The following APIP variants were observed in gnomAD, a reference collection of about 807,000 sequenced individuals.
APIP encodes the protein APAF1 interacting protein.
APIP carries 32 observed loss-of-function variants against 32.0 expected under a neutral mutation model. That is an observed-to-expected ratio of 1.00 (90% CI 0.76 to 1.34). APIP has a LOEUF of 1.34. APIP is among the 40% of genes most tolerant of loss of function. APIP has a pLI of 0.00. For missense variants in APIP, 247 were observed against 298.6 expected, an observed-to-expected ratio of 0.83 and a Z score of 1.27; for synonymous variants, 92 against 94.8, an observed-to-expected ratio of 0.97 and a Z score of 0.17.
At chr11:34,906,099 T>C (rs1853447887) in intron 1 of APIP, among the ~76,000 whole-genome samples, 1 of 152,144 alleles carries the variant, frequency 6.6e-6, no homozygotes, top group South Asian at 2.1e-4. Context: ...TTCTAAGATA[T>C]CAGAAAAATC....
In APIP at chr11:34,899,450, G is replaced by A. The variant is rs181646265; in HGVS notation, c.58-4340C>T. Among the ~76,000 whole-genome samples, 18 of 152,270 alleles carry A rather than the reference G, an allele frequency of 1.2e-4. No individual in the cohort carries two copies. In the East Asian group the frequency reaches 3.1e-3, roughly 26 times the overall value. ...GGCACCTATTCTGTCTCTGATTAAG[G>A]TAGTACTGAGCTAGTAAGGGGATTT... On this transcript the variant is annotated intron_variant, in intron 1 of 6. Coordinates refer to ENST00000395787, the MANE Select transcript of APIP (RefSeq NM_015957.4).
At chr11:34,913,077 TC>T (rs1853584101) in intron 1 of APIP, among the ~76,000 whole-genome samples, 1 of 152,156 alleles carries the variant, frequency 6.6e-6, no homozygotes, top group Non-Finnish European at 1.5e-5. Flanking sequence ...AACCAAGACC[TC>T]CTGATTTTAC....
At chr11:34,887,876 C>T (rs1056504055) in intron 5 of APIP, among the ~76,000 whole-genome samples, 2 of 152,022 alleles carry the variant, frequency 1.3e-5, no homozygotes, top group Non-Finnish European at 2.9e-5. Flanking sequence ...AAAAAACTTA[C>T]ATAAATATGA....
chr11:34,884,424 A>G (rs1382076170), intron 5 of APIP, among the ~76,000 whole-genome samples: 1 of 152,228 alleles, frequency 6.6e-6, no homozygotes, highest in Non-Finnish European at 1.5e-5. Context: ...AGAGGTAATT[A>G]TAGACTATCC....
chr11:34,901,642 T>C (rs765866488), intron 1 of APIP, among the ~76,000 whole-genome samples: 5 of 152,160 alleles, frequency 3.3e-5, no homozygotes, highest in Non-Finnish European at 7.3e-5. Context: ...GGACCTACTA[T>C]TTACACATGC....
chr11:34,907,315 A>G (rs1482378892), intron 1 of APIP, among the ~76,000 whole-genome samples: 4 of 152,228 alleles, frequency 2.6e-5, no homozygotes, highest in Non-Finnish European at 5.9e-5. Context: ...GCAGTCTTCC[A>G]ACCCTTAAAA....
chr11:34,896,082 T>C (rs1046422825), intron 1 of APIP, among the ~76,000 whole-genome samples: 10 of 152,146 alleles, frequency 6.6e-5, no homozygotes, highest in Non-Finnish European at 1.3e-4. Flanking sequence ...ATGGCGATCA[T>C]TAAAAAGTCA....
At chr11:34,908,884 G>C (rs1325256936) in intron 1 of APIP, among the ~76,000 whole-genome samples, 1 of 152,148 alleles carries the variant, frequency 6.6e-6, no homozygotes, top group Non-Finnish European at 1.5e-5. Context: ...GAGTCTAAAG[G>C]GTCTTCTATG....
chr11:34,904,302 G>C (rs1163684378), intron 1 of APIP, among the ~76,000 whole-genome samples: 1 of 152,118 alleles, frequency 6.6e-6, no homozygotes, highest in Admixed American at 6.5e-5. Flanking sequence ...TCACACAAGG[G>C]GTCTCAAAAG....
chr11:34,890,054 G>A (rs1474943208), intron 3 of APIP, among the ~76,000 whole-genome samples: 1 of 151,576 alleles, frequency 6.6e-6, no homozygotes, highest in African/African-American at 2.4e-5. Context: ...CTAGATTTGG[G>A]GTATTATTCT....
chr11:34,885,903 G>A (rs1175678031), intron 5 of APIP, among the ~76,000 whole-genome samples: 1 of 152,082 alleles, frequency 6.6e-6, no homozygotes, highest in African/African-American at 2.4e-5. Context: ...AACATATTAT[G>A]CAAATGTCTG....
chr11:34,898,984 G>C (rs1044405404), intron 1 of APIP, among the ~76,000 whole-genome samples: 3 of 151,808 alleles, frequency 2.0e-5, no homozygotes, highest in Admixed American at 1.3e-4. Context: ...ATTTTTAGTA[G>C]AGATGGGGGT....
In APIP at chr11:34,916,289, C is replaced by T; in HGVS notation, c.-5G>A. On this transcript the variant is annotated 5_prime_UTR_variant, in exon 1 of 7. Coordinates refer to ENST00000395787, the MANE Select transcript of APIP (RefSeq NM_015957.4). ...CCGAGCATCACAGCCAGACATGGCC[C>T]AGACCAGGGACCCGCGCGGCCTCCA... 1 of 1,612,142 alleles carries T rather than the reference C, an allele frequency of 6.2e-7. No homozygotes were observed. Among genetic ancestry groups the T allele is most frequent in the African/African-American group, 1.3e-5 (1 of 75,040 alleles).
At chr11:34,898,973 T>C (rs995809364) in intron 1 of APIP, among the ~76,000 whole-genome samples, 3 of 151,882 alleles carry the variant, frequency 2.0e-5, no homozygotes, top group African/African-American at 7.3e-5. Context: ...TAATTGTTTG[T>C]ATTTTTAGTA....
chr11:34,910,814 C>T (rs1853535463), intron 1 of APIP, among the ~76,000 whole-genome samples: 1 of 151,972 alleles, frequency 6.6e-6, no homozygotes, highest in Non-Finnish European at 1.5e-5. Flanking sequence ...GAGGCAGAGC[C>T]AGAATTTGAA....
At chr11:34,915,798 TCCCGAGTGCCAAACGTCC>T in intron 1 of APIP, 1 of 214,788 alleles carries the variant, frequency 4.7e-6, no homozygotes, top group African/African-American at 2.3e-5. Context: ...GGCAAACGTC[TCCCGAGTGCCAAACGTCC>T]CCCCAAACGC....
intron 5 of APIP, among the ~76,000 whole-genome samples, chr11:34,887,953 G>A (rs562353885): frequency 6.6e-6 from 1 of 152,218 alleles, no homozygotes; most frequent in East Asian, 1.9e-4. Context: ...TCAAATTTCT[G>A]AAGACAAAGT....
chr11:34,890,625 A>G lies in APIP; in HGVS notation c.159-73T>C, dbSNP rs1422249247. 73 of 1,481,114 alleles carry G rather than the reference A, an allele frequency of 4.9e-5. 1 individual carries two copies. Among genetic ancestry groups the G allele is most frequent in the Non-Finnish European group, 6.6e-5 (70 of 1,068,594 alleles). The allele number at this position is 1,481,114 out of a possible 1,614,324, so 91.7% of individuals were successfully genotyped here. On this transcript the variant is annotated intron_variant, in intron 2 of 6. Coordinates refer to ENST00000395787, the MANE Select transcript of APIP (RefSeq NM_015957.4). ...TGCACAAAGAAAAGTTTGCAGTCCAATCATGCATGTTCTTTATAAATCAAG... is the reference window on the plus strand; with the variant it reads ...TGCACAAAGAAAAGTTTGCAGTCCAGTCATGCATGTTCTTTATAAATCAAG...
At chr11:34,885,850 C>A (rs1853060522) in intron 5 of APIP, among the ~76,000 whole-genome samples, 1 of 152,112 alleles carries the variant, frequency 6.6e-6, no homozygotes, top group Non-Finnish European at 1.5e-5. Context: ...CTCAACAACT[C>A]CTATCGCCTA....
Sources: gnomAD v4.1 joint callset for allele counts (sites outside exome capture counted in the v4.1 genomes callset) on GRCh38, gnomAD v4.1.1 for gene constraint, MANE v1.5 for transcripts, NCBI Gene and HGNC (gene_info 2026-07-23, HGNC 2026-07-21) for gene names.